PXK: variants seen among roughly 807,000 people sequenced by gnomAD.
The protein encoded by PXK is PX domain containing serine/threonine kinase like.
PXK carries 35 observed loss-of-function variants against 84.7 expected under a neutral mutation model. The ratio of observed to expected loss-of-function variants is 0.41; its 90% CI spans 0.32 to 0.55. The LOEUF (loss-of-function observed/expected upper bound fraction) is 0.55. Among genes scored for constraint, PXK ranks in the 20% least tolerant of loss-of-function variants. The pLI, the probability that PXK is intolerant of heterozygous loss-of-function variation, is 0.21. For synonymous variants in PXK, 253 were observed against 260.8 expected (o/e 0.97, Z 0.29); for missense variants, 634 against 699.7 (o/e 0.91, Z 1.06).
At position 58,403,472 on chromosome 3, in the gene PXK, T is replaced by C. The variant is rs141173061; in HGVS notation, c.1182-390T>C. On this transcript the variant is annotated intron_variant, in intron 12 of 17. Transcript: ENST00000356151. ...TTATGTTACTGAACTCTAGAATAAA[T>C]TTTATCCTCTTCTGAGGCAAGAAAA... 7.9e-5 allele frequency among the ~76,000 whole-genome samples: 12 copies of C among 152,338 alleles called. No individual in the cohort carries two copies. In the East Asian group the frequency reaches 2.3e-3, roughly 29 times the overall value.
chr3:58,415,758 C>T (rs73837607), intron 17 of PXK, among the ~76,000 whole-genome samples: 19,774 of 152,216 alleles, frequency 0.13, 1,968 homozygotes, highest in African/African-American at 0.27. Context: ...GACCAGGCAG[C>T]AAAATGCTCA....
At chr3:58,384,581 TTCATTTC>T (rs1357399542) in intron 4 of PXK, among the ~76,000 whole-genome samples, 3 of 152,174 alleles carry the variant, frequency 2.0e-5, no homozygotes. Context: ...TTTTGTGGCT[TTCATTTC>T]TCAGTGTTTC....
chr3:58,340,190 T>C lies in PXK; in HGVS notation c.102+7100T>C, dbSNP rs567030526. ...GGCTGGAGGGCAGTGTGGAGTAATC[T>C]TGGCTTACTGTAGCCTTGACCTCTC... is the stretch of plus-strand genomic sequence containing the variant. On this transcript the variant is annotated intron_variant, in intron 1 of 17. Coordinates refer to ENST00000356151, the MANE Select transcript of PXK (RefSeq NM_017771.5). Among the ~76,000 whole-genome samples the C allele has an allele frequency of 4.6e-5, 7 of 151,420 alleles. No individual in the cohort carries two copies. In the South Asian group the frequency reaches 1.5e-3, roughly 32 times the overall value.
At chr3:58,371,039 A>G (rs2098362939) in intron 3 of PXK, among the ~76,000 whole-genome samples, 1 of 152,218 alleles carries the variant, frequency 6.6e-6, no homozygotes, top group Admixed American at 6.5e-5. Flanking sequence ...GTATTTGTAC[A>G]GCCCACACTT....
chr3:58,424,728 G>A (rs2062581404), intron 17 of PXK, 24 bp from the exon 18 acceptor site: 1 of 1,609,264 alleles, frequency 6.2e-7, no homozygotes, highest in Non-Finnish European at 8.5e-7. Context: ...GGTGAATACT[G>A]ATTGTCCCCC....
In PXK at chr3:58,400,921, AAAAC is replaced by A. The variant is rs1282690192; in HGVS notation, c.1181+1551_1181+1554del. ...ACAGAGCAAGACTCCGTCTCAAAAC[AAAAC>A]AAACAATGTGAATATGGAAAAACAG... On this transcript the variant is annotated intron_variant, in intron 12 of 17. Transcript: ENST00000356151. The surrounding 1 kb of genome is among the most constrained non-coding windows in gnomAD (Gnocchi z 4.0). Among the ~76,000 whole-genome samples the A allele has an allele frequency of 6.6e-6, 1 of 152,138 alleles. No homozygotes were observed. Among genetic ancestry groups the A allele is most frequent in the African/African-American group, 2.4e-5 (1 of 41,416 alleles).
intron 17 of PXK, among the ~76,000 whole-genome samples, chr3:58,417,480 GCTT>G (rs1265329108): frequency 2.0e-5 from 3 of 152,220 alleles, no homozygotes; most frequent in East Asian, 1.9e-4. Context: ...TCTTACTGTA[GCTT>G]CTTCTCTGGG....
In PXK at chr3:58,407,848, T is replaced by C. The variant is rs1301168773; in HGVS notation, c.1231-1076T>C. On this transcript the variant is annotated intron_variant, in intron 13 of 17. Coordinates refer to ENST00000356151, the MANE Select transcript of PXK (RefSeq NM_017771.5). The surrounding 1 kb of genome is among the most constrained non-coding windows in gnomAD (Gnocchi z 4.3). ...TTGGGATTACAGGCGTGAGCCACCT[T>C]GCCCGGCTGCACCAAAGTTTTAAAT... 6.6e-6 allele frequency among the ~76,000 whole-genome samples: 1 copy of C among 152,228 alleles called. No individual in the cohort carries two copies. The highest frequency in any genetic ancestry group is 6.5e-5 in the Admixed American group (1 of 15,278).
At chr3:58,405,572 G>A (rs930382600) in intron 13 of PXK, among the ~76,000 whole-genome samples, 4 of 151,836 alleles carry the variant, frequency 2.6e-5, no homozygotes, top group Non-Finnish European at 2.9e-5. Context: ...CCAGCTACTC[G>A]GGAGGCTGAA....
intron 3 of PXK, among the ~76,000 whole-genome samples, chr3:58,373,316 C>T (rs2098404073): frequency 6.6e-6 from 1 of 152,100 alleles, no homozygotes; most frequent in South Asian, 2.1e-4. Flanking sequence ...ACCTCGTGAT[C>T]CGCCCACCTT....
At chr3:58,340,839 G>A (rs1217145257) in intron 1 of PXK, among the ~76,000 whole-genome samples, 2 of 152,146 alleles carry the variant, frequency 1.3e-5, no homozygotes, top group Non-Finnish European at 2.9e-5. Context: ...AGATTTTGGG[G>A]TAGCGTCATA....
Position 58,334,961 on chromosome 3 carries a change from G to C in PXK, c.102+1871G>C, listed in dbSNP as rs867663723. Among the ~76,000 whole-genome samples the C allele has an allele frequency of 6.3e-5, 8 of 127,774 alleles. No homozygotes were observed. The South Asian group carries it at 6.8e-4, about 11-fold the overall frequency. 83.8% of individuals were successfully genotyped at this position (127,774 alleles called of 152,430 possible). On this transcript the variant is annotated intron_variant, in intron 1 of 17. Transcript: ENST00000356151. ...TGTGTGTGTGTGTGTGTGTGTGTCT[G>C]TGTGTGTGTGTGTGTGTGTGTGTGT...
chr3:58,405,657 C>T (rs369373484), intron 13 of PXK, among the ~76,000 whole-genome samples: 175 of 142,882 alleles, frequency 1.2e-3, no homozygotes, highest in African/African-American at 4.2e-3. Context: ...CCAGCCTGGG[C>T]GACAGAGTGA....
rs1198021119 is a variant in PXK, at chr3:58,400,745, T to G, written c.1181+1368T>G. Among the ~76,000 whole-genome samples the G allele has an allele frequency of 6.6e-6, 1 of 152,052 alleles. No individual in the cohort carries two copies. The highest frequency in any genetic ancestry group is 2.4e-5 in the African/African-American group (1 of 41,388). On this transcript the variant is annotated intron_variant, in intron 12 of 17. Coordinates refer to ENST00000356151, the MANE Select transcript of PXK (RefSeq NM_017771.5). This position sits in a 1 kb window ranked among gnomAD's most constrained non-coding sequence, Gnocchi z 4.0. ...GGCCAACGTGTGGTGAAACCCTGTC[T>G]CTACTAAGAAAATATAAAAAATTAG...
intron 13 of PXK, among the ~76,000 whole-genome samples, chr3:58,406,764 C>G (rs1345094967): frequency 6.6e-6 from 1 of 152,142 alleles, no homozygotes; most frequent in Non-Finnish European, 1.5e-5. Context: ...AATCACTATT[C>G]TACTTTGTTT....
chr3:58,340,890 AG>A (rs1163063872), intron 1 of PXK, among the ~76,000 whole-genome samples: 2 of 151,956 alleles, frequency 1.3e-5, no homozygotes, highest in Non-Finnish European at 1.5e-5. Flanking sequence ...TAGCACCCTG[AG>A]AAAGGGGGAA....
At chr3:58,382,470 T>C (rs546512997) in intron 3 of PXK, 44 bp from the exon 4 acceptor site, 3 of 1,440,608 alleles carry the variant, frequency 2.1e-6, no homozygotes, top group African/African-American at 2.9e-5. Context: ...TTGATTCTTA[T>C]TTGTGGATGA....
chr3:58,419,329 G>A (rs1336208308), intron 17 of PXK, among the ~76,000 whole-genome samples: 1 of 152,238 alleles, frequency 6.6e-6, no homozygotes, highest in Non-Finnish European at 1.5e-5. Flanking sequence ...TTGGCTCACT[G>A]CAGCCTCTGC....
At chr3:58,422,339 G>C in intron 17 of PXK, 1 of 985,316 alleles carries the variant, frequency 1.0e-6, no homozygotes, top group Non-Finnish European at 1.2e-6. Context: ...GTACATAAGA[G>C]CCACCATGGT....
Sources: gnomAD v4.1 joint callset for allele counts (sites outside exome capture counted in the v4.1 genomes callset) on GRCh38, gnomAD v4.1.1 for gene constraint, Gnocchi (gnomAD v3.1) non-coding constraint, MANE v1.5 for transcripts, NCBI Gene and HGNC (gene_info 2026-07-23, HGNC 2026-07-21) for gene names.